CCDC141: variants seen among roughly 807,000 people sequenced by gnomAD.
CCDC141 encodes the protein coiled-coil domain containing 141.
CCDC141 carries 168 observed loss-of-function variants against 181.0 expected under a neutral mutation model. The observed-to-expected ratio is 0.93, with a 90% CI of 0.82 to 1.05. The LOEUF (loss-of-function observed/expected upper bound fraction) is 1.05. Among genes scored for constraint, CCDC141 ranks in the 50% least tolerant of loss-of-function variants. The pLI, the probability that CCDC141 is intolerant of heterozygous loss-of-function variation, is 0.00. For synonymous variants in CCDC141, 666 were observed against 642.3 expected, an observed-to-expected ratio of 1.04 and a Z score of -0.56; for missense variants, 1,902 against 1,788.5, an observed-to-expected ratio of 1.06 and a Z score of -1.14.
In CCDC141 at chr2:178,989,945, G is replaced by C. The variant is rs975676836; in HGVS notation, c.226-11270C>G. ...ACCTGAGGTCAGGAGTTCACGACCA[G>C]CCTGACCAACATGGAGAAACCCCAT... On this transcript the variant is annotated intron_variant, in intron 2 of 23. Coordinates refer to ENST00000443758, the MANE Select transcript of CCDC141 (RefSeq NM_173648.4). 7.3e-5 allele frequency among the ~76,000 whole-genome samples: 11 copies of C among 150,022 alleles called. No individual in the cohort carries two copies. In the East Asian group the frequency reaches 2.2e-3, roughly 30 times the overall value.
chr2:178,965,357 C>T (rs768744168), intron 4 of CCDC141, among the ~76,000 whole-genome samples: 6 of 152,166 alleles, frequency 3.9e-5, no homozygotes, highest in Non-Finnish European at 7.4e-5. Context: ...AGGAACAGCT[C>T]GGGTCTGCAG....
At chr2:179,013,911 A>G (rs2042345069) in intron 2 of CCDC141, among the ~76,000 whole-genome samples, 1 of 143,770 alleles carries the variant, frequency 7.0e-6, no homozygotes. Context: ...TGAACTGCCA[A>G]GATCACACCA....
intron 5 of CCDC141, among the ~76,000 whole-genome samples, chr2:178,950,188 T>G (rs1689891866): frequency 6.6e-6 from 1 of 152,222 alleles, no homozygotes. Context: ...TTTATCTTCT[T>G]TAACCCAAGA....
At chr2:178,981,683 T>TAGAG (rs67399348) in intron 2 of CCDC141, among the ~76,000 whole-genome samples, 81 of 119,584 alleles carry the variant, frequency 6.8e-4, no homozygotes, top group African/African-American at 2.5e-3. Flanking sequence ...TATATATATA[T>TAGAG]AGAGAGAGAG....
At chr2:178,947,257 T>C (rs771360971) in intron 5 of CCDC141, among the ~76,000 whole-genome samples, 2 of 152,188 alleles carry the variant, frequency 1.3e-5, no homozygotes, top group East Asian at 1.9e-4. Flanking sequence ...TTAAATTATG[T>C]CAGCTGCTGT....
Position 178,832,707 on chromosome 2 carries a change from C to T in CCDC141, c.*1466G>A, listed in dbSNP as rs774931179. On this transcript the variant is annotated 3_prime_UTR_variant, in exon 24 of 24. Coordinates refer to ENST00000443758, the MANE Select transcript of CCDC141 (RefSeq NM_173648.4). The stretch of plus-strand genomic sequence containing the variant: ...TTTTAATAACAACTTGAATACATTA[C>T]ATTTAAATATTTTGATTATTTGTAG... The T allele has an allele frequency of 2.0e-5, 3 of 152,100 alleles. No individual in the cohort carries two copies. Among genetic ancestry groups the T allele is most frequent in the African/African-American group, 7.2e-5 (3 of 41,422 alleles). The allele number at this position is 152,100 out of a possible 1,614,324, so 9.4% of individuals were successfully genotyped here. A position where few individuals can be genotyped will look rare whatever the true frequency, so the allele number is the denominator to read the frequency against.
In CCDC141 at chr2:178,962,471, C is replaced by G. The variant is rs1359096828; in HGVS notation, c.527-988G>C. On this transcript the variant is annotated intron_variant, in intron 4 of 23. Coordinates refer to ENST00000443758, the MANE Select transcript of CCDC141 (RefSeq NM_173648.4). Reference sequence around the variant, plus strand: ...TCTCTGTCCTCACCATGGAAAGCATCATTTGTTGCCTGGATGTGCAGTCTT... The same window carrying G: ...TCTCTGTCCTCACCATGGAAAGCATGATTTGTTGCCTGGATGTGCAGTCTT... Among the ~76,000 whole-genome samples the G allele has an allele frequency of 3.3e-5, 5 of 152,326 alleles. No homozygotes were observed. In the East Asian group the frequency reaches 9.6e-4, roughly 29 times the overall value.
chr2:178,862,457 T>C (rs777292867), intron 17 of CCDC141, among the ~76,000 whole-genome samples: 8 of 152,258 alleles, frequency 5.3e-5, no homozygotes, highest in Non-Finnish European at 1.2e-4. Context: ...GCTTGATATT[T>C]ACTTATTACA....
rs574631817 is a variant in CCDC141, at chr2:178,986,550, T to C, written c.226-7875A>G. Among the ~76,000 whole-genome samples, 4 of 152,212 alleles carry C rather than the reference T, an allele frequency of 2.6e-5. No homozygotes were observed. In the East Asian group the frequency reaches 5.8e-4, roughly 22 times the overall value. ...TTGTCCCTGTTTGCAGATGACATGATTGTATATCTAGAAAACCCCATTGTC... is the reference window on the plus strand; with the variant it reads ...TTGTCCCTGTTTGCAGATGACATGACTGTATATCTAGAAAACCCCATTGTC... On this transcript the variant is annotated intron_variant, in intron 2 of 23. Transcript: ENST00000443758.
At chr2:178,886,700 A>G (rs893650049) in intron 10 of CCDC141, 52 bp downstream of exon 10, 3 of 1,204,922 alleles carry the variant, frequency 2.5e-6, no homozygotes, top group Admixed American at 3.0e-5. Context: ...AAATATTTTT[A>G]AAATTATCTT....
intron 8 of CCDC141, among the ~76,000 whole-genome samples, chr2:178,902,580 C>CTA (rs1286420726): frequency 6.6e-6 from 1 of 152,164 alleles, no homozygotes; most frequent in Non-Finnish European, 1.5e-5. Context: ...TGGATCCCCT[C>CTA]CTTACACCTT....
intron 17 of CCDC141, among the ~76,000 whole-genome samples, chr2:178,864,707 G>A (rs1558937821): frequency 6.6e-6 from 1 of 152,166 alleles, no homozygotes; most frequent in Admixed American, 6.5e-5. Flanking sequence ...CTACAGGAAC[G>A]GCCACTTCAG....
At chr2:178,878,299 A>ATTTT (rs1243670144) in intron 11 of CCDC141, among the ~76,000 whole-genome samples, 156 bp from the exon 12 acceptor site, 1 of 60,198 alleles carries the variant, frequency 1.7e-5, no homozygotes, top group Non-Finnish European at 3.6e-5. Flanking sequence ...TTATTTATTT[A>ATTTT]TTTTATTTAT....
chr2:178,845,753 C>G lies in CCDC141; in HGVS notation c.3358-11G>C. 1 of 1,514,092 alleles carries G rather than the reference C, an allele frequency of 6.6e-7. No homozygotes were observed. The highest frequency in any genetic ancestry group is 9.2e-7 in the Non-Finnish European group (1 of 1,089,154). 93.8% of individuals were successfully genotyped at this position (1,514,092 alleles called of 1,614,324 possible). ...TAAAACATCTCCCTGCTGTACAAAGCAACAGTTAGTGAGAGCATGAGCCAG... is the reference window on the plus strand; with the variant it reads ...TAAAACATCTCCCTGCTGTACAAAGGAACAGTTAGTGAGAGCATGAGCCAG... On this transcript the variant is annotated splice_polypyrimidine_tract_variant and intron_variant, in intron 21 of 23. Transcript: ENST00000443758.
At chr2:178,885,453 T>C (rs1204792620) in intron 10 of CCDC141, among the ~76,000 whole-genome samples, 2 of 152,196 alleles carry the variant, frequency 1.3e-5, no homozygotes, top group Non-Finnish European at 2.9e-5. Context: ...CTCCAGCAAA[T>C]TCCTAAACTA....
rs760683825 is a variant in CCDC141, at chr2:178,869,281, T to C, written c.2230A>G (p.Ile744Val). 2 of 1,603,586 alleles carry C rather than the reference T, an allele frequency of 1.2e-6. No individual in the cohort carries two copies. Among genetic ancestry groups the C allele is most frequent in the Non-Finnish European group, 8.5e-7 (1 of 1,177,350 alleles). ...FQQLNDEVQYIMKESEELTGR... is the reference protein window; with the variant it reads ...FQQLNDEVQYVMKESEELTGR... ...GTTAACTCCTCTGATTCTTTCATAA[T>C]GTACTGAACCTCATCATTCAATTGC... Residue 744 changes from isoleucine (I) to valine (V), a missense_variant, in exon 15 of 24, where the codon ATT becomes GTT. Physicochemically the swap from Ile to Val is conservative, Grantham distance 29. Coordinates refer to ENST00000443758, the MANE Select transcript of CCDC141 (RefSeq NM_173648.4).
chr2:178,974,044 A>G (rs1437421234), intron 4 of CCDC141, among the ~76,000 whole-genome samples: 6 of 152,206 alleles, frequency 3.9e-5, no homozygotes, highest in Non-Finnish European at 1.5e-5. Context: ...AGGATCTCAT[A>G]AGAATTTACA....
chr2:178,961,560 T>G (rs1296753822), intron 4 of CCDC141, 77 bp from the exon 5 acceptor site: 6 of 1,103,490 alleles, frequency 5.4e-6, no homozygotes, highest in African/African-American at 1.6e-5. Flanking sequence ...CTCTTCATAA[T>G]TTAAAATATA....
intron 17 of CCDC141, among the ~76,000 whole-genome samples, chr2:178,857,192 C>A (rs970594730): frequency 6.6e-6 from 1 of 152,132 alleles, no homozygotes; most frequent in Non-Finnish European, 1.5e-5. Context: ...CTCTCACAGC[C>A]ATCATGTATA....
Sources: gnomAD v4.1 joint callset for allele counts (sites outside exome capture counted in the v4.1 genomes callset) on GRCh38, gnomAD v4.1.1 for gene constraint, MANE v1.5 for transcripts, NCBI Gene and HGNC (gene_info 2026-07-23, HGNC 2026-07-21) for gene names.